Variants in POFUT2 observed in about 807,000 individuals in gnomAD.
The protein encoded by POFUT2 is protein O-fucosyltransferase 2.
A neutral mutation model predicts 55.0 loss-of-function variants in POFUT2; 30 were observed. The observed-to-expected ratio is 0.55, with a 90% CI of 0.41 to 0.74. The LOEUF is 0.74. Among genes scored for constraint, POFUT2 ranks in the 30% least tolerant of loss-of-function variants. The probability of loss-of-function intolerance (pLI) is 0.00; values close to 1 mark genes in which losing one functional copy is unlikely to be tolerated. For synonymous variants in POFUT2, 267 were observed against 231.1 expected, an observed-to-expected ratio of 1.16 and a Z score of -1.41; for missense variants, 524 against 562.6, an observed-to-expected ratio of 0.93 and a Z score of 0.69.
rs574798742 is a variant in POFUT2, at chr21:45,266,712, G to A, written c.1136+878C>T. On this transcript the variant is annotated intron_variant, in intron 8 of 8. Transcript: ENST00000349485. ...AGCCTCTGTGGGTCTTACACACCAT[G>A]CCCAGAACACCACAGGAAATAGCAG... 3.0e-5 allele frequency: 30 copies of A among 1,000,718 alleles called. No individual in the cohort carries two copies. In the African/African-American group the frequency reaches 4.7e-4, roughly 16 times the overall value. The allele number at this position is 1,000,718 out of a possible 1,614,324, so 62.0% of individuals were successfully genotyped here. A position where few individuals can be genotyped will look rare whatever the true frequency, so the allele number is the denominator to read the frequency against.
In POFUT2 at chr21:45,282,576, G is replaced by C. The variant is rs970897657; in HGVS notation, c.528-117C>G. On this transcript the variant is annotated intron_variant, in intron 3 of 8. Transcript: ENST00000349485. This position sits in a 1 kb window ranked among gnomAD's most constrained non-coding sequence, Gnocchi z 4.6. ...CTCCTGATGAAACGCGGCTGCTTTA[G>C]GAAAACTTACTGATCGTGACTGCAG... is the stretch of plus-strand genomic sequence containing the variant. 5 of 697,142 alleles carry C rather than the reference G, an allele frequency of 7.2e-6. No individual in the cohort carries two copies. The African/African-American group carries it at 9.0e-5, about 13-fold the overall frequency. The allele number at this position is 697,142 out of a possible 1,614,324, so 43.2% of individuals were successfully genotyped here. A position where few individuals can be genotyped will look rare whatever the true frequency, so the allele number is the denominator to read the frequency against.
intron 4 of POFUT2, among the ~76,000 whole-genome samples, chr21:45,280,274 T>C (rs6518222): frequency 0.021 from 3,258 of 152,344 alleles, 121 homozygotes; most frequent in African/African-American, 0.073. Flanking sequence ...ACATGGAACA[T>C]GACTACATTT....
At chr21:45,287,013 C>G (rs2031489313) in intron 1 of POFUT2, among the ~76,000 whole-genome samples, 1 of 152,158 alleles carries the variant, frequency 6.6e-6, no homozygotes, top group African/African-American at 2.4e-5. Flanking sequence ...GGAGCCAGCC[C>G]ACGCTCAGCC....
Position 45,282,500 on chromosome 21 carries a change from G to A in POFUT2, c.528-41C>T. 1 of 1,220,760 alleles carries A rather than the reference G, an allele frequency of 8.2e-7. No individual in the cohort carries two copies. Among genetic ancestry groups the A allele is most frequent in the East Asian group, 2.3e-5 (1 of 42,704 alleles). The allele number at this position is 1,220,760 out of a possible 1,614,324, so 75.6% of individuals were successfully genotyped here. On this transcript the variant is annotated intron_variant, in intron 3 of 8. Transcript: ENST00000349485. The surrounding 1 kb of genome is among the most constrained non-coding windows in gnomAD (Gnocchi z 4.6). ...CACAGCAGCTCTATCAGTTTATTTTGCTTTCACAAGGAAAACAAATCAAGT... is the reference window on the plus strand; with the variant it reads ...CACAGCAGCTCTATCAGTTTATTTTACTTTCACAAGGAAAACAAATCAAGT...
rs552603165 is a variant in POFUT2, at chr21:45,270,899, C to T, written c.832-880G>A. 2.0e-4 allele frequency among the ~76,000 whole-genome samples: 30 copies of T among 152,300 alleles called. No homozygotes were observed. Among genetic ancestry groups the T allele is most frequent in the Middle Eastern group, 6.8e-3 (2 of 294 alleles). ...GGGATAAAAGAATCTGAACAGTAGCCCGTGAGTTCCAGATCTTTCCACTGA... is the reference window on the plus strand; with the variant it reads ...GGGATAAAAGAATCTGAACAGTAGCTCGTGAGTTCCAGATCTTTCCACTGA... On this transcript the variant is annotated intron_variant, in intron 6 of 8. Transcript: ENST00000349485. The surrounding 1 kb of genome is among the most constrained non-coding windows in gnomAD (Gnocchi z 4.6).
chr21:45,269,864 A>C lies in POFUT2; in HGVS notation c.987T>G (p.Phe329Leu), dbSNP rs771010975. The change falls in exon 7 of 9, where the codon TTT (phenylalanine) becomes TTG (leucine). Residue 329 changes from phenylalanine (F) to leucine (L), a missense_variant. Transcript: ENST00000349485. The stretch of plus-strand genomic sequence containing the variant: ...CCTTTCTGACGGCATCTGTGGCCAC[A>C]AACACCTTGTCCAGCCGGTGGGTCT... ...LMKTHRLDKV[F>L]VATDAVRKEY... The C allele has an allele frequency of 6.2e-7, 1 of 1,609,374 alleles. No individual in the cohort carries two copies. The highest frequency in any genetic ancestry group is 1.7e-5 in the Admixed American group (1 of 58,636).
chr21:45,264,691 GGGCGGGGCA>G lies in POFUT2; in HGVS notation c.*782_*790del, dbSNP rs1569212023. The G allele has an allele frequency of 1.3e-5, 2 of 150,956 alleles. No homozygotes were observed. The highest frequency in any genetic ancestry group is 3.0e-5 in the Non-Finnish European group (2 of 67,546). 9.4% of individuals were successfully genotyped at this position (150,956 alleles called of 1,614,324 possible). ...GGGCGGGGCAGTCGGGGTGAGGGTG[GGGCGGGGCA>G]GTCGGGGCGAGGGAGGGGTGGCCAG... On this transcript the variant is annotated 3_prime_UTR_variant, in exon 9 of 9. Coordinates refer to ENST00000349485, the MANE Select transcript of POFUT2 (RefSeq NM_133635.6).
chr21:45,277,232 C>A lies in POFUT2; in HGVS notation c.706-90G>T. ...GTTCTCCTGTCGCTGCCACCACCCA[C>A]CCCCGCAGCTGGAACAAGCCCCTCA... is the stretch of plus-strand genomic sequence containing the variant. On this transcript the variant is annotated intron_variant, in intron 5 of 8. Transcript: ENST00000349485. The surrounding 1 kb of genome is among the most constrained non-coding windows in gnomAD (Gnocchi z 6.9). The A allele has an allele frequency of 6.6e-7, 1 of 1,512,032 alleles. No individual in the cohort carries two copies. The highest frequency in any genetic ancestry group is 8.9e-7 in the Non-Finnish European group (1 of 1,120,698). The allele number at this position is 1,512,032 out of a possible 1,614,324, so 93.7% of individuals were successfully genotyped here.
In POFUT2 at chr21:45,265,768, C is replaced by T. The variant is rs764718284; in HGVS notation, c.1137-133G>A. On this transcript the variant is annotated intron_variant, in intron 8 of 8. Transcript: ENST00000349485. The surrounding 1 kb of genome is among the most constrained non-coding windows in gnomAD (Gnocchi z 4.6). ...ACATGGAACCAACACGGCCGTCCCCCGAGCACCCACCAGCCGGCCGCCCCC... is the reference window on the plus strand; with the variant it reads ...ACATGGAACCAACACGGCCGTCCCCTGAGCACCCACCAGCCGGCCGCCCCC... 23 of 1,444,206 alleles carry T rather than the reference C, an allele frequency of 1.6e-5. No individual in the cohort carries two copies. The African/African-American group carries it at 1.9e-4, about 12-fold the overall frequency. 89.5% of individuals were successfully genotyped at this position (1,444,206 alleles called of 1,614,324 possible).
At position 45,277,036 on chromosome 21, in the gene POFUT2, T is replaced by C; in HGVS notation, c.812A>G (p.Glu271Gly). The C allele has an allele frequency of 6.2e-7, 1 of 1,614,060 alleles. No homozygotes were observed. Among genetic ancestry groups the C allele is most frequent in the African/African-American group, 1.3e-5 (1 of 75,046 alleles). ...TDDADRIPFQ[E>G]DWMKMKVKLG... ...GGCTACCTTCATCTTCATCCAGTCC[T>C]CCTGGAAGGGGATCCTGTCTGCGTC... Residue 271 changes from glutamate (E) to glycine (G), a missense_variant, in exon 6 of 9, where the codon GAG (glutamate) becomes GGG (glycine). Physicochemically the swap from Glu to Gly is moderately conservative, Grantham distance 98. Transcript: ENST00000349485. The surrounding 1 kb of genome is among the most constrained non-coding windows in gnomAD (Gnocchi z 6.9).
At position 45,267,732 on chromosome 21, in the gene POFUT2, G is replaced by C. The variant is rs778372528; in HGVS notation, c.1013-19C>G. ...TCATATTCTGCAAAGTAGAAGGAGA[G>C]ACCCTTTGAACCGGGATCCTCCAGT... On this transcript the variant is annotated intron_variant, in intron 7 of 8. Transcript: ENST00000349485. The surrounding 1 kb of genome is among the most constrained non-coding windows in gnomAD (Gnocchi z 4.4). 6.2e-7 allele frequency: 1 copy of C among 1,609,988 alleles called. No individual in the cohort carries two copies. The highest frequency in any genetic ancestry group is 8.5e-7 in the Non-Finnish European group (1 of 1,176,746).
chr21:45,267,794 C>A lies in POFUT2; in HGVS notation c.1013-81G>T. 1 of 1,262,844 alleles carries A rather than the reference C, an allele frequency of 7.9e-7. No individual in the cohort carries two copies. Among genetic ancestry groups the A allele is most frequent in the Non-Finnish European group, 1.1e-6 (1 of 883,266 alleles). 78.2% of individuals were successfully genotyped at this position (1,262,844 alleles called of 1,614,324 possible). On this transcript the variant is annotated intron_variant, in intron 7 of 8. Coordinates refer to ENST00000349485, the MANE Select transcript of POFUT2 (RefSeq NM_133635.6). This position sits in a 1 kb window ranked among gnomAD's most constrained non-coding sequence, Gnocchi z 4.4. ...CGTGACTCTTTAGCAGACAGACATG[C>A]GTACTTGGCTTCTGGTTAATTCGTT...
chr21:45,270,795 G>T lies in POFUT2; in HGVS notation c.832-776C>A, dbSNP rs763780082. 6.6e-6 allele frequency among the ~76,000 whole-genome samples: 1 copy of T among 152,188 alleles called. No homozygotes were observed. Among genetic ancestry groups the T allele is most frequent in the East Asian group, 1.9e-4 (1 of 5,192 alleles). On this transcript the variant is annotated intron_variant, in intron 6 of 8. Transcript: ENST00000349485. The surrounding 1 kb of genome is among the most constrained non-coding windows in gnomAD (Gnocchi z 4.6). ...CCACTGGGTGGCTAGACCCAGAAGA[G>T]CAATAACAATCACTGCAGCCCAGCT...
At position 45,277,230 on chromosome 21, in the gene POFUT2, C is replaced by G. The variant is rs552734702; in HGVS notation, c.706-88G>C. ...GGGTTCTCCTGTCGCTGCCACCACC[C>G]ACCCCCGCAGCTGGAACAAGCCCCT... On this transcript the variant is annotated intron_variant, in intron 5 of 8. Coordinates refer to ENST00000349485, the MANE Select transcript of POFUT2 (RefSeq NM_133635.6). The surrounding 1 kb of genome is among the most constrained non-coding windows in gnomAD (Gnocchi z 6.9). The G allele has an allele frequency of 1.3e-6, 2 of 1,519,684 alleles. No homozygotes were observed. The highest frequency in any genetic ancestry group is 4.6e-5 in the East Asian group (2 of 43,448). The allele number at this position is 1,519,684 out of a possible 1,614,324, so 94.1% of individuals were successfully genotyped here. A position where few individuals can be genotyped will look rare whatever the true frequency, so the allele number is the denominator to read the frequency against.
Position 45,265,983 on chromosome 21 carries a change from TGG to T in POFUT2, c.1137-350_1137-349del. ...ACGCCAGTGCAGGTCGAATACCTCC[TGG>T]GGGTCACATGGTGAACAATGAGAGA... On this transcript the variant is annotated intron_variant, in intron 8 of 8. Transcript: ENST00000349485. This position sits in a 1 kb window ranked among gnomAD's most constrained non-coding sequence, Gnocchi z 4.6. The T allele has an allele frequency of 1.6e-6, 2 of 1,225,312 alleles. No individual in the cohort carries two copies. Among genetic ancestry groups the T allele is most frequent in the Non-Finnish European group, 2.1e-6 (2 of 963,354 alleles). The allele number at this position is 1,225,312 out of a possible 1,614,324, so 75.9% of individuals were successfully genotyped here.
rs2093202144 is a variant in POFUT2 at position 45,269,822 on chromosome 21, G to A, written c.1012+17C>T. The A allele has an allele frequency of 1.9e-6, 3 of 1,582,322 alleles. No homozygotes were observed. The highest frequency in any genetic ancestry group is 2.3e-5 in the East Asian group (1 of 44,408). On this transcript the variant is annotated intron_variant, in intron 7 of 8. Transcript: ENST00000349485. ...ATTAAAAGAAAGGAAAGAAACGAAA[G>A]CATTGAAGCTCCATACCCTTTCTGA...
chr21:45,266,130 C>T, intron 8 of POFUT2: 1 of 1,362,994 alleles, frequency 7.3e-7, no homozygotes, highest in Non-Finnish European at 9.8e-7. Context: ...GTGGGGACAC[C>T]CTTCTCCAGG....
intron 7 of POFUT2, among the ~76,000 whole-genome samples, chr21:45,268,012 CCT>C (rs959496846): frequency 1.3e-5 from 2 of 152,154 alleles, no homozygotes; most frequent in Non-Finnish European, 2.9e-5. Flanking sequence ...CCACGGTCTC[CCT>C]CTCTTTCCAC....
At chr21:45,276,721 G>A (rs2093267556) in intron 6 of POFUT2, among the ~76,000 whole-genome samples, 1 of 152,100 alleles carries the variant, frequency 6.6e-6, no homozygotes, top group East Asian at 1.9e-4. Context: ...CGCGCTCCTG[G>A]CCTTGCCGCG....
Sources: gnomAD v4.1 joint callset for allele counts (sites outside exome capture counted in the v4.1 genomes callset) on GRCh38, gnomAD v4.1.1 for gene constraint, Gnocchi (gnomAD v3.1) non-coding constraint, MANE v1.5 for transcripts, NCBI Gene and HGNC (gene_info 2026-07-23, HGNC 2026-07-21) for gene names.